The following FBN2 variants were observed in gnomAD, a reference collection of about 807,000 sequenced individuals.
FBN2 encodes the protein fibrillin 2.
A neutral mutation model predicts 355.6 loss-of-function variants in FBN2; 105 were observed. The ratio of observed to expected loss-of-function variants is 0.30; its 90% confidence interval spans 0.25 to 0.35. The LOEUF is 0.35. FBN2 is among the 10% of genes least tolerant of loss of function. The pLI, the probability that FBN2 is intolerant of heterozygous loss-of-function variation, is 1.00. For synonymous variants in FBN2, 1,350 were observed against 1,301.2 expected (o/e 1.04, Z -0.81); for missense variants, 3,280 against 3,758.7 (o/e 0.87, Z 3.33).
intron 27 of FBN2, 73 bp downstream of exon 27, chr5:128,337,924 G>C: frequency 6.5e-7 from 1 of 1,540,898 alleles, no homozygotes; most frequent in Non-Finnish European, 9.0e-7. Context: ...TCAAACAACA[G>C]GTTTGTCAGA....
At chr5:128,306,666 G>A (rs1322842113) in intron 42 of FBN2, among the ~76,000 whole-genome samples, 1 of 152,070 alleles carries the variant, frequency 6.6e-6, no homozygotes, top group Non-Finnish European at 1.5e-5. Flanking sequence ...GAGGAAGGAA[G>A]CTAGAGTGAG....
intron 17 of FBN2, 148 bp from the exon 18 acceptor site, chr5:128,364,873 G>A: frequency 4.4e-6 from 3 of 689,460 alleles, no homozygotes; most frequent in Non-Finnish European, 7.7e-6. Flanking sequence ...AAAAAGAACT[G>A]AAAACAAGGA....
intron 3 of FBN2, among the ~76,000 whole-genome samples, chr5:128,529,663 C>A (rs1756654037): frequency 6.6e-6 from 1 of 152,268 alleles, no homozygotes; most frequent in Non-Finnish European, 1.5e-5. Flanking sequence ...TATGAGAAAA[C>A]TAGGAACAGG....
chr5:128,393,289 A>C lies in FBN2; in HGVS notation c.1311T>G (p.Thr437=). The change falls in exon 10 of 65, where the codon ACT becomes ACG. Residue 437 remains threonine, a synonymous_variant. Transcript: ENST00000262464. The stretch of plus-strand genomic sequence containing the variant: ...CACTTGGGGCAAAGCCATTTCCCCC[A>C]GTGCCTCCAGGTCTGGAACCAGCAC... ...PGSAGSRPGG[T]GGNGFAPSGN... is the part of the protein sequence containing the mutation. 6.2e-7 allele frequency: 1 copy of C among 1,614,186 alleles called. No individual in the cohort carries two copies. The highest frequency in any genetic ancestry group is 8.5e-7 in the Non-Finnish European group (1 of 1,180,022).
chr5:128,446,382 TTTAA>T, intron 7 of FBN2, 95 bp downstream of exon 7: 2 of 1,271,806 alleles, frequency 1.6e-6, no homozygotes, highest in Non-Finnish European at 2.3e-6. Flanking sequence ...GATAAAGAGT[TTTAA>T]TTGTGACCAG....
At chr5:128,273,342 C>T (rs531045656) in intron 61 of FBN2, among the ~76,000 whole-genome samples, 27 of 152,232 alleles carry the variant, frequency 1.8e-4, no homozygotes, top group African/African-American at 6.0e-4. Flanking sequence ...GACCAAGGTC[C>T]ACTGTAAGAA....
intron 45 of FBN2, 149 bp from the exon 46 acceptor site, chr5:128,303,238 G>T: frequency 6.2e-6 from 4 of 649,048 alleles, no homozygotes; most frequent in South Asian, 5.2e-5. Flanking sequence ...ATGAGTAAGA[G>T]ATACGGAAAA....
Position 128,530,546 on chromosome 5 carries a change from C to T in FBN2, c.436+49G>A, listed in dbSNP as rs551292560. On this transcript the variant is annotated intron_variant, in intron 3 of 64. Transcript: ENST00000262464. Reference sequence around the variant, plus strand: ...CATAGAAGGACCTTTAGCATTTGCTCCAAAGCTTAAGAAAAATGCAGTGAA... The same window carrying T: ...CATAGAAGGACCTTTAGCATTTGCTTCAAAGCTTAAGAAAAATGCAGTGAA... 5.4e-6 allele frequency: 7 copies of T among 1,296,340 alleles called. 1 individual carries two copies. In the South Asian group the frequency reaches 7.1e-5, roughly 13 times the overall value. The allele number at this position is 1,296,340 out of a possible 1,614,324, so 80.3% of individuals were successfully genotyped here. A position where few individuals can be genotyped will look rare whatever the true frequency, so the allele number is the denominator to read the frequency against.
At chr5:128,274,435 T>G in intron 60 of FBN2, 132 bp downstream of exon 60, 1 of 702,034 alleles carries the variant, frequency 1.4e-6, no homozygotes, top group Admixed American at 2.1e-5. Context: ...AGCAACTTCT[T>G]TAGACCACAA....
At position 128,318,170 on chromosome 5, in the gene FBN2, G is replaced by A; in HGVS notation, c.4696C>T (p.Pro1566Ser). 1 of 1,613,990 alleles carries A rather than the reference G, an allele frequency of 6.2e-7. No homozygotes were observed. The highest frequency in any genetic ancestry group is 8.5e-7 in the Non-Finnish European group (1 of 1,179,892). The change falls in exon 36 of 65, where the codon CCA becomes TCA. Residue 1566 changes from proline to serine, a missense_variant. Pro to Ser is a moderately conservative substitution (Grantham distance 74). Coordinates refer to ENST00000262464, the MANE Select transcript of FBN2 (RefSeq NM_001999.4). ...TTACCAACACAACCCACACCAGTTG[G>A]GTTCAACTGAAAATCGGGTGGGCAG... ...CNCPPDFQLNPTGVGCVDNRV... is the reference protein window; with the variant it reads ...CNCPPDFQLNSTGVGCVDNRV...
At chr5:128,494,434 C>A (rs1581346694) in intron 5 of FBN2, among the ~76,000 whole-genome samples, 1 of 152,260 alleles carries the variant, frequency 6.6e-6, no homozygotes, top group Non-Finnish European at 1.5e-5. Context: ...GCTAAGAAGT[C>A]TTTTTGGAGT....
chr5:128,354,417 T>G (rs566915483), intron 20 of FBN2, among the ~76,000 whole-genome samples: 15 of 152,150 alleles, frequency 9.9e-5, no homozygotes, highest in Non-Finnish European at 2.2e-4. Flanking sequence ...GAGCTTTTAC[T>G]GAATGAAATG....
In FBN2 at chr5:128,366,212, CACTT is replaced by C. The variant is rs374323179; in HGVS notation, c.2302+161_2302+164del. On this transcript the variant is annotated intron_variant, in intron 17 of 64. Coordinates refer to ENST00000262464, the MANE Select transcript of FBN2 (RefSeq NM_001999.4). The stretch of plus-strand genomic sequence containing the variant: ...AAGATGAAAATGTGTATCTACATAT[CACTT>C]AATATCATCTAGCTTATAACCACTG... Among the ~76,000 whole-genome samples the C allele has an allele frequency of 8.4e-4, 128 of 151,892 alleles. No homozygotes were observed. In the South Asian group the frequency reaches 0.015, roughly 17 times the overall value.
chr5:128,307,295 A>G, intron 41 of FBN2, 92 bp from the exon 42 acceptor site: 1 of 804,366 alleles, frequency 1.2e-6, no homozygotes, highest in Admixed American at 1.8e-5. Context: ...AATATATTTT[A>G]CATTATTCAC....
Position 128,289,113 on chromosome 5 carries a change from G to A in FBN2, c.6637+14C>T. On this transcript the variant is annotated intron_variant, in intron 52 of 64. Transcript: ENST00000262464. ...TAGAACTTTAAAATTCTGTAATGTG[G>A]AGCCAACACTCACCCACACAGCGTA... 1.2e-6 allele frequency: 2 copies of A among 1,613,808 alleles called. No individual in the cohort carries two copies. Among genetic ancestry groups the A allele is most frequent in the Non-Finnish European group, 1.7e-6 (2 of 1,179,752 alleles).
At chr5:128,418,002 T>C (rs1753248550) in intron 7 of FBN2, among the ~76,000 whole-genome samples, 1 of 152,174 alleles carries the variant, frequency 6.6e-6, no homozygotes, top group Admixed American at 6.6e-5. Flanking sequence ...TTAAGTCTTA[T>C]TGCTTATATT....
intron 56 of FBN2, 79 bp downstream of exon 56, chr5:128,280,113 A>T: frequency 8.6e-7 from 1 of 1,160,778 alleles, no homozygotes; most frequent in Non-Finnish European, 1.3e-6. Flanking sequence ...ACAAGAATAT[A>T]TATGTGGAGC....
intron 31 of FBN2, among the ~76,000 whole-genome samples, chr5:128,333,985 G>T (rs868196971): frequency 1.9e-4 from 29 of 152,002 alleles, no homozygotes; most frequent in African/African-American, 6.7e-4. Flanking sequence ...GGACTCTTAA[G>T]TCTTCCACCA....
chr5:128,354,395 C>T (rs926128408), intron 20 of FBN2, among the ~76,000 whole-genome samples: 10 of 152,066 alleles, frequency 6.6e-5, no homozygotes, highest in African/African-American at 1.7e-4. Flanking sequence ...GCACAGGCTT[C>T]GGTTAGGACT....
Sources: allele counts gnomAD v4.1 joint callset (sites outside exome capture counted in the v4.1 genomes callset), GRCh38; gene constraint gnomAD v4.1.1; transcripts MANE v1.5; gene names NCBI Gene and HGNC (gene_info 2026-07-23, HGNC 2026-07-21).